The following EPB41L3 variants were observed in gnomAD, a reference collection of about 807,000 sequenced individuals.
The protein encoded by EPB41L3 is band 4.1-like protein 3.
A neutral mutation model predicts 127.1 loss-of-function variants in EPB41L3; 57 were observed. The observed-to-expected ratio is 0.45, with a 90% confidence interval of 0.36 to 0.56. EPB41L3 has a LOEUF of 0.56. EPB41L3 is among the 20% of genes least tolerant of loss of function. EPB41L3 has a pLI of 0.00. For missense variants in EPB41L3, 1,273 were observed against 1,372.2 expected (o/e 0.93, Z 1.14); for synonymous variants, 572 against 549.5 (o/e 1.04, Z -0.57).
chr18:5,602,539 G>A (rs575639186), intron 3 of EPB41L3, among the ~76,000 whole-genome samples: 6 of 152,256 alleles, frequency 3.9e-5, no homozygotes, highest in African/African-American at 1.4e-4. Context: ...CAAACTCCTG[G>A]GCTCAAGCGA....
At chr18:5,542,181 T>A (rs1598845091) in intron 1 of EPB41L3, among the ~76,000 whole-genome samples, 1 of 152,226 alleles carries the variant, frequency 6.6e-6, no homozygotes, top group Non-Finnish European at 1.5e-5. Context: ...AAGACAGAAA[T>A]CACCTCTCAG....
At chr18:5,503,816 G>A (rs1598398939) in intron 1 of EPB41L3, among the ~76,000 whole-genome samples, 1 of 152,252 alleles carries the variant, frequency 6.6e-6, no homozygotes, top group East Asian at 1.9e-4. Context: ...TATTTGGAAG[G>A]TATATGCTGA....
chr18:5,498,851 T>C (rs2091462891), intron 1 of EPB41L3, among the ~76,000 whole-genome samples: 1 of 152,202 alleles, frequency 6.6e-6, no homozygotes, highest in African/African-American at 2.4e-5. Context: ...TCACCCTTTG[T>C]GAAGAAGAAA....
At chr18:5,604,729 T>C (rs988198738) in intron 3 of EPB41L3, among the ~76,000 whole-genome samples, 2 of 152,126 alleles carry the variant, frequency 1.3e-5, no homozygotes, top group Non-Finnish European at 2.9e-5. Context: ...ACTGGGATTA[T>C]AGGTGTGAGC....
intron 1 of EPB41L3, among the ~76,000 whole-genome samples, chr18:5,502,647 G>A (rs1008408603): frequency 3.3e-5 from 5 of 152,152 alleles, no homozygotes; most frequent in Non-Finnish European, 5.9e-5. Context: ...AAAAGGAGGG[G>A]TGCCGCTCGA....
intron 3 of EPB41L3, among the ~76,000 whole-genome samples, chr18:5,557,289 T>C (rs1434005887): frequency 6.6e-6 from 1 of 152,220 alleles, no homozygotes; most frequent in Non-Finnish European, 1.5e-5. Flanking sequence ...AAAATAGATA[T>C]CGACATGTGG....
Position 5,543,030 on chromosome 18 carries a change from C to G in EPB41L3, c.-12+883G>C, listed in dbSNP as rs911896658. Reference sequence around the variant, plus strand: ...CAGAGCCGCCTTCGCAGACACCTCCCGAGGAGAATCGCGGCCCCGAGGGCG... The same window carrying G: ...CAGAGCCGCCTTCGCAGACACCTCCGGAGGAGAATCGCGGCCCCGAGGGCG... On this transcript the variant is annotated intron_variant, in intron 1 of 22. Transcript: ENST00000341928. This position sits in a 1 kb window ranked among gnomAD's most constrained non-coding sequence, Gnocchi z 5.2. Among the ~76,000 whole-genome samples, 1 of 152,096 alleles carries G rather than the reference C, an allele frequency of 6.6e-6. No individual in the cohort carries two copies. The highest frequency in any genetic ancestry group is 1.5e-5 in the Non-Finnish European group (1 of 67,992).
chr18:5,484,110 AAAAAAAAAAAACAG>A (rs2089229632), intron 2 of EPB41L3, among the ~76,000 whole-genome samples: 1 of 136,148 alleles, frequency 7.3e-6, no homozygotes, highest in African/African-American at 3.0e-5. Context: ...AAAAAAAAAA[AAAAAAAAAAAACAG>A]AAAAAAAAAA....
At chr18:5,534,331 C>A (rs2093505603) in intron 1 of EPB41L3, among the ~76,000 whole-genome samples, 1 of 152,192 alleles carries the variant, frequency 6.6e-6, no homozygotes, top group Admixed American at 6.5e-5. Context: ...GCTGGAAAGT[C>A]ATTAAGACAA....
At chr18:5,435,888 T>C (rs1027173676) in intron 6 of EPB41L3, among the ~76,000 whole-genome samples, 1 of 152,236 alleles carries the variant, frequency 6.6e-6, no homozygotes, top group Non-Finnish European at 1.5e-5. Flanking sequence ...TTTTCAGTTC[T>C]CATTTTTAGA....
At chr18:5,551,107 C>A (rs1255903505) in intron 3 of EPB41L3, among the ~76,000 whole-genome samples, 2 of 152,170 alleles carry the variant, frequency 1.3e-5, no homozygotes, top group Non-Finnish European at 2.9e-5. Context: ...TATAAATACT[C>A]TGAATGGGAA....
intron 9 of EPB41L3, among the ~76,000 whole-genome samples, chr18:5,427,425 G>GT (rs1385890713): frequency 1.3e-5 from 2 of 152,208 alleles, no homozygotes; most frequent in African/African-American, 4.8e-5. Context: ...AGATATAAAC[G>GT]TAAGTTGATC....
chr18:5,416,295 C>T lies in EPB41L3; in HGVS notation c.1590G>A (p.Arg530=). 1 of 1,614,114 alleles carries T rather than the reference C, an allele frequency of 6.2e-7. No homozygotes were observed. The highest frequency in any genetic ancestry group is 1.1e-5 in the South Asian group (1 of 91,076). Reference sequence around the variant, plus strand: ...GTTTGCAGTCATTCTCCTTACACCTCCTACGGAGCTCTGTGGGAGATGTGG... The same window carrying T: ...GTTTGCAGTCATTCTCCTTACACCTTCTACGGAGCTCTGTGGGAGATGTGG... ...CAPTSPTELR[R]RCKENDCKLP... is the part of the protein sequence containing the mutation. Residue 530 remains arginine, a synonymous_variant, in exon 13 of 23, where the codon AGG becomes AGA. Transcript: ENST00000341928.
At chr18:5,467,185 C>A (rs2085150990) in intron 3 of EPB41L3, among the ~76,000 whole-genome samples, 1 of 152,204 alleles carries the variant, frequency 6.6e-6, no homozygotes, top group South Asian at 2.1e-4. Context: ...TTGTTCCATA[C>A]ACCACTCTGA....
At chr18:5,470,834 C>A (rs1445105500) in intron 3 of EPB41L3, among the ~76,000 whole-genome samples, 1 of 152,174 alleles carries the variant, frequency 6.6e-6, no homozygotes, top group Non-Finnish European at 1.5e-5. Flanking sequence ...CAGTCCTGTA[C>A]TGGGGTCATG....
In EPB41L3 at chr18:5,608,726, T is replaced by C. The variant is rs2094691832; in HGVS notation, c.-306+3614A>G. ...AAATATCCAGGTACTTATTGTTTCC[T>C]AAGAGGAGAGGGGAGATGAGAAGAC... On this transcript the variant is annotated intron_variant, in intron 3 of 21. Coordinates refer to the EPB41L3 transcript ENST00000545076. 1.3e-5 allele frequency among the ~76,000 whole-genome samples: 2 copies of C among 152,038 alleles called. 1 individual carries two copies. The highest frequency in any genetic ancestry group is 4.1e-4 in the South Asian group (2 of 4,820).
intron 5 of EPB41L3, among the ~76,000 whole-genome samples, chr18:5,442,767 G>A (rs1013917147): frequency 4.6e-5 from 7 of 152,192 alleles, no homozygotes; most frequent in Middle Eastern, 3.4e-3. Flanking sequence ...AAGAGCTATC[G>A]GAAAGGGTAA....
Position 5,543,941 on chromosome 18 carries a change from C to G in EPB41L3, c.-40G>C, listed in dbSNP as rs944645788. The stretch of plus-strand genomic sequence containing the variant: ...GGATCAGCAGGGAGCCCGGGCGCGC[C>G]GCGGCGTGGGGACTAGGCTCGGGCG... On this transcript the variant is annotated 5_prime_UTR_variant, in exon 1 of 23. Transcript: ENST00000341928. This position sits in a 1 kb window ranked among gnomAD's most constrained non-coding sequence, Gnocchi z 5.2. The G allele has an allele frequency of 6.5e-5, 64 of 985,712 alleles. No homozygotes were observed. In the African/African-American group the frequency reaches 9.9e-4, roughly 15 times the overall value. 61.1% of individuals were successfully genotyped at this position (985,712 alleles called of 1,614,324 possible). A position where few individuals can be genotyped will look rare whatever the true frequency, so the allele number is the denominator to read the frequency against.
At chr18:5,616,015 G>A (rs1334560665) in intron 1 of EPB41L3, among the ~76,000 whole-genome samples, 6 of 152,014 alleles carry the variant, frequency 3.9e-5, no homozygotes, top group Non-Finnish European at 7.4e-5. Flanking sequence ...TGGTTTCCCT[G>A]GATTTCTCCA....
Sources: allele counts gnomAD v4.1 joint callset (sites outside exome capture counted in the v4.1 genomes callset), GRCh38; gene constraint gnomAD v4.1.1; non-coding constraint Gnocchi (gnomAD v3.1); transcripts MANE v1.5; gene names NCBI Gene and HGNC (gene_info 2026-07-23, HGNC 2026-07-21).